The following MARCHF11 variants were observed in gnomAD, a reference collection of about 807,000 sequenced individuals.
MARCHF11 encodes the protein membrane associated ring-CH-type finger 11, also known as E3 ubiquitin-protein ligase MARCHF11.
In MARCHF11, 29 loss-of-function variants were observed where a neutral mutation model predicts 37.3. The ratio of observed to expected loss-of-function variants is 0.78; its 90% CI spans 0.58 to 1.06. The LOEUF (loss-of-function observed/expected upper bound fraction) is 1.06. Among genes scored for constraint, MARCHF11 ranks in the 50% least tolerant of loss-of-function variants. MARCHF11 has a pLI of 0.00. For synonymous variants in MARCHF11, 233 were observed against 228.0 expected, an observed-to-expected ratio of 1.02 and a Z score of -0.20; for missense variants, 482 against 533.4, an observed-to-expected ratio of 0.90 and a Z score of 0.95.
intron 2 of MARCHF11, among the ~76,000 whole-genome samples, chr5:16,138,206 A>G (rs1737639219): frequency 6.6e-6 from 1 of 152,112 alleles, no homozygotes; most frequent in South Asian, 2.1e-4. Context: ...GGATGGAAAA[A>G]TGGTTACATC....
chr5:16,171,095 TTTTA>T (rs761405833), intron 2 of MARCHF11, among the ~76,000 whole-genome samples: 57 of 152,188 alleles, frequency 3.7e-4, no homozygotes, highest in African/African-American at 8.7e-4. Flanking sequence ...ATAGCATTTC[TTTTA>T]TTTATTTATT....
chr5:16,068,787 G>A (rs1736390604), intron 3 of MARCHF11, among the ~76,000 whole-genome samples: 2 of 152,220 alleles, frequency 1.3e-5, no homozygotes, highest in African/African-American at 4.8e-5. Flanking sequence ...AGGTCTCTCA[G>A]GTGAGGTGAA....
chr5:16,172,158 G>T (rs954502591), intron 2 of MARCHF11, among the ~76,000 whole-genome samples: 1 of 152,126 alleles, frequency 6.6e-6, no homozygotes, highest in Non-Finnish European at 1.5e-5. Context: ...TGTACATGTA[G>T]TCTGTACAGT....
chr5:16,071,742 T>TA (rs60252978), intron 3 of MARCHF11, among the ~76,000 whole-genome samples: 2,803 of 152,252 alleles, frequency 0.018, 71 homozygotes, highest in African/African-American at 0.064. Context: ...TTTTATCTGA[T>TA]TTAATTACCA....
chr5:16,129,052 A>C (rs1226422062), intron 2 of MARCHF11: 1 of 152,154 alleles, frequency 6.6e-6, no homozygotes, highest in Non-Finnish European at 1.5e-5. Context: ...ACCCTTGATT[A>C]GTGAGGGTTG....
intron 2 of MARCHF11, among the ~76,000 whole-genome samples, chr5:16,139,568 C>T (rs1737668686): frequency 6.6e-6 from 1 of 151,776 alleles, no homozygotes; most frequent in South Asian, 2.1e-4. Context: ...AGACCAGTAC[C>T]AACAAAAAAA....
At chr5:16,091,119 G>A in intron 2 of MARCHF11, 38 bp from the exon 3 acceptor site, 1 of 1,330,212 alleles carries the variant, frequency 7.5e-7, no homozygotes, top group Non-Finnish European at 9.7e-7. Context: ...AAGGAGCTGT[G>A]TATAATTAAA....
At chr5:16,108,553 G>A (rs1204610489) in intron 2 of MARCHF11, among the ~76,000 whole-genome samples, 1 of 152,210 alleles carries the variant, frequency 6.6e-6, no homozygotes, top group African/African-American at 2.4e-5. Flanking sequence ...GATTGTGGGA[G>A]GCAGAACTGT....
chr5:16,101,362 C>T (rs566960158), intron 2 of MARCHF11, among the ~76,000 whole-genome samples: 3 of 152,156 alleles, frequency 2.0e-5, no homozygotes, highest in Admixed American at 6.5e-5. Context: ...GGCAACAGAG[C>T]GAGACTCCAT....
intron 2 of MARCHF11, among the ~76,000 whole-genome samples, chr5:16,122,420 T>C (rs1737325827): frequency 6.6e-6 from 1 of 152,176 alleles, no homozygotes; most frequent in East Asian, 1.9e-4. Context: ...CCAGTGCTCA[T>C]CACATGTGTG....
At chr5:16,165,724 T>C (rs140907830) in intron 2 of MARCHF11, among the ~76,000 whole-genome samples, 116 of 152,230 alleles carry the variant, frequency 7.6e-4, no homozygotes, top group African/African-American at 2.7e-3. Context: ...ACATGACTTA[T>C]CAGTGATAAT....
chr5:16,132,137 T>C (rs1303318833), intron 2 of MARCHF11, among the ~76,000 whole-genome samples: 1 of 152,214 alleles, frequency 6.6e-6, no homozygotes, highest in Non-Finnish European at 1.5e-5. Context: ...AGGATGTGTA[T>C]AAGACTATAA....
intron 3 of MARCHF11, among the ~76,000 whole-genome samples, chr5:16,083,083 T>G (rs1402879281): frequency 2.0e-5 from 3 of 152,214 alleles, no homozygotes; most frequent in African/African-American, 7.2e-5. Context: ...AGTCTTGTGA[T>G]GAAAGTCTTT....
intron 2 of MARCHF11, among the ~76,000 whole-genome samples, chr5:16,094,694 T>C (rs1736838358): frequency 6.6e-6 from 1 of 152,228 alleles, no homozygotes; most frequent in Non-Finnish European, 1.5e-5. Context: ...TGTTTACTTC[T>C]ACAAAATAAA....
At chr5:16,078,289 C>A (rs888091891) in intron 3 of MARCHF11, among the ~76,000 whole-genome samples, 1 of 152,158 alleles carries the variant, frequency 6.6e-6, no homozygotes, top group African/African-American at 2.4e-5. Context: ...ATAACAGTAT[C>A]TGTGCCTCCT....
At chr5:16,094,989 C>T (rs1022531378) in intron 2 of MARCHF11, among the ~76,000 whole-genome samples, 2 of 152,120 alleles carry the variant, frequency 1.3e-5, no homozygotes, top group African/African-American at 4.8e-5. Flanking sequence ...AGTTAAACAA[C>T]GTGCCCAAGG....
chr5:16,082,316 A>G (rs945483818), intron 3 of MARCHF11, among the ~76,000 whole-genome samples: 21 of 152,232 alleles, frequency 1.4e-4, no homozygotes, highest in African/African-American at 2.4e-5. Flanking sequence ...ATGCTAAGAT[A>G]GTCTGAAGCC....
intron 3 of MARCHF11, among the ~76,000 whole-genome samples, chr5:16,080,931 A>AG (rs1560968730): frequency 2.0e-5 from 3 of 152,016 alleles, no homozygotes; most frequent in African/African-American, 7.3e-5. Flanking sequence ...CTCCCTCCCG[A>AG]GCTCCACCCA....
At chr5:16,086,694 G>C (rs1736704193) in intron 3 of MARCHF11, among the ~76,000 whole-genome samples, 1 of 152,202 alleles carries the variant, frequency 6.6e-6, no homozygotes, top group Non-Finnish European at 1.5e-5. Flanking sequence ...AGATGCTAAA[G>C]TGACTTGGTG....
Sources: allele counts gnomAD v4.1 joint callset (sites outside exome capture counted in the v4.1 genomes callset), GRCh38; gene constraint gnomAD v4.1.1; transcripts MANE v1.5; gene names NCBI Gene and HGNC (gene_info 2026-07-23, HGNC 2026-07-21).